Variants in ZNF714 observed in about 807,000 individuals in gnomAD.
ZNF714 encodes zinc finger protein 714.
In ZNF714, 32 loss-of-function variants were observed where a neutral mutation model predicts 46.2. The observed-to-expected ratio is 0.69, with a 90% CI of 0.52 to 0.93. The LOEUF (loss-of-function observed/expected upper bound fraction) is 0.93, where lower values mean the gene tolerates loss of function less well. ZNF714 is among the 40% of genes least tolerant of loss of function. The pLI, the probability that ZNF714 is intolerant of heterozygous loss-of-function variation, is 0.00. For synonymous variants in ZNF714, 199 were observed against 213.1 expected (o/e 0.93, Z 0.58); for missense variants, 635 against 646.3 (o/e 0.98, Z 0.19).
At chr19:21,094,569 C>T (rs1968993672) in intron 2 of ZNF714, among the ~76,000 whole-genome samples, 1 of 152,176 alleles carries the variant, frequency 6.6e-6, no homozygotes, top group Non-Finnish European at 1.5e-5. Flanking sequence ...CTCTGTCACC[C>T]AGGCTGGAGT....
At chr19:21,100,336 A>G in intron 4 of ZNF714, among the ~76,000 whole-genome samples, 1 of 151,858 alleles carries the variant, frequency 6.6e-6, no homozygotes, top group Admixed American at 6.6e-5. Context: ...CAGCCTGACC[A>G]ACATGGAGAA....
At chr19:21,082,519 C>G (rs1442242251) in intron 1 of ZNF714, among the ~76,000 whole-genome samples, 171 bp downstream of exon 1, 1 of 152,052 alleles carries the variant, frequency 6.6e-6, no homozygotes, top group Non-Finnish European at 1.5e-5. Flanking sequence ...ATGGCGGCTG[C>G]GCTGACTGCG....
intron 2 of ZNF714, among the ~76,000 whole-genome samples, chr19:21,093,626 T>C (rs1370904484): frequency 6.6e-6 from 1 of 152,168 alleles, no homozygotes; most frequent in Non-Finnish European, 1.5e-5. Flanking sequence ...AATCTTCTAT[T>C]TTATTTAATT....
At chr19:21,112,841 G>A (rs868631312) in intron 4 of ZNF714, among the ~76,000 whole-genome samples, 2 of 2,284 alleles carry the variant, frequency 8.8e-4, no homozygotes, top group Non-Finnish European at 5.2e-3. Flanking sequence ...TTTTTTTTTT[G>A]AGACGGAGTC....
intron 4 of ZNF714, chr19:21,109,717 C>G: frequency 6.5e-6 from 1 of 153,590 alleles, no homozygotes; most frequent in East Asian, 1.9e-4. Flanking sequence ...GTGATAAGCC[C>G]TGCATGCATT....
intron 4 of ZNF714, among the ~76,000 whole-genome samples, chr19:21,107,591 A>G (rs1158924495): frequency 7.1e-6 from 1 of 139,948 alleles, no homozygotes; most frequent in Non-Finnish European, 1.5e-5. Flanking sequence ...TAAAGAGCTT[A>G]TATTGAATTT....
chr19:21,117,730 C>T lies in ZNF714; in HGVS notation c.1066C>T (p.Leu356Phe), dbSNP rs762809189. 1.5e-5 allele frequency: 24 copies of T among 1,613,408 alleles called. No individual in the cohort carries two copies. Among genetic ancestry groups the T allele is most frequent in the Non-Finnish European group, 1.9e-5 (23 of 1,179,824 alleles). The change falls in exon 5 of 5, where the codon CTT becomes TTT. Residue 356 changes from leucine (L) to phenylalanine (F), a missense_variant. By Grantham distance (22) the Leu-to-Phe change is conservative. Transcript: ENST00000456283. The part of the protein sequence containing the change: ...CGKAFNVSSH[L>F]TTHKMIHTGE... Reference sequence around the variant, plus strand: ...CAAAGCCTTTAATGTGTCTTCACACCTTACTACACATAAGATGATTCATAC... The same window carrying T: ...CAAAGCCTTTAATGTGTCTTCACACTTTACTACACATAAGATGATTCATAC...
intron 2 of ZNF714, among the ~76,000 whole-genome samples, chr19:21,087,160 T>G (rs914519416): frequency 7.0e-6 from 1 of 142,758 alleles, no homozygotes; most frequent in Non-Finnish European, 1.5e-5. Flanking sequence ...CTATAAATCA[T>G]CTTTTGAAGA....
rs1159668797 is a variant in ZNF714, at chr19:21,117,012, A to G, written c.348A>G (p.Ile116Met). Reference sequence around the variant, plus strand: ...GTTTGACAACTACCCAGAGCAAAATATTTCCATGTGATAAATATATAAAAG... The same window carrying G: ...GTTTGACAACTACCCAGAGCAAAATGTTTCCATGTGATAAATATATAAAAG... ...NQCLTTTQSK[I>M]FPCDKYIKVF... The change falls in exon 5 of 5, where the codon ATA becomes ATG. Residue 116 changes from isoleucine (I) to methionine (M), a missense_variant. By Grantham distance (10) the Ile-to-Met change is conservative. Transcript: ENST00000456283. 6.2e-7 allele frequency: 1 copy of G among 1,613,618 alleles called. No individual in the cohort carries two copies. Among genetic ancestry groups the G allele is most frequent in the Non-Finnish European group, 8.5e-7 (1 of 1,179,634 alleles).
At chr19:21,112,816 A>ATGTTTTTTTTTTTTTTTTT (rs1969481816) in intron 4 of ZNF714, among the ~76,000 whole-genome samples, 1 of 43,210 alleles carries the variant, frequency 2.3e-5, no homozygotes, top group Non-Finnish European at 4.2e-5. Context: ...TTTATTTCTG[A>ATGTTTTTTTTTTTTTTTTT]TTTTTTTTTT....
intron 4 of ZNF714, among the ~76,000 whole-genome samples, chr19:21,105,681 G>T (rs905092934): frequency 4.0e-5 from 6 of 151,746 alleles, no homozygotes. Context: ...TTGGCCAGGC[G>T]CAGTGGCTCA....
chr19:21,087,962 C>A (rs1021294588), intron 2 of ZNF714, among the ~76,000 whole-genome samples: 1 of 152,122 alleles, frequency 6.6e-6, no homozygotes, highest in African/African-American at 2.4e-5. Context: ...TTTGATGAAA[C>A]CCTTGGTAAG....
intron 2 of ZNF714, among the ~76,000 whole-genome samples, chr19:21,087,222 CAAAAAAAAAA>C (rs57295093): frequency 1.1e-5 from 1 of 92,166 alleles, no homozygotes; most frequent in Non-Finnish European, 2.0e-5. Flanking sequence ...GCAGTCTCAG[CAAAAAAAAAA>C]AAAAAAAAAA....
chr19:21,099,395 G>T (rs1356434879), intron 4 of ZNF714, among the ~76,000 whole-genome samples: 6 of 152,090 alleles, frequency 3.9e-5, no homozygotes, highest in Admixed American at 3.3e-4. Context: ...GGCCAGGCTG[G>T]TCTTGTACTC....
Position 21,117,673 on chromosome 19 carries a change from G to A in ZNF714, c.1009G>A (p.Gly337Arg). 6.2e-7 allele frequency: 1 copy of A among 1,613,052 alleles called. No individual in the cohort carries two copies. Residue 337 changes from glycine to arginine, a missense_variant, in exon 5 of 5, where the codon GGA becomes AGA. Physicochemically the swap from Gly to Arg is moderately radical, Grantham distance 125. Coordinates refer to ENST00000456283, the MANE Select transcript of ZNF714 (RefSeq NM_182515.4). ...TLTKHKRIHTGEKPYKCEECG... is the reference protein window; with the variant it reads ...TLTKHKRIHTREKPYKCEECG... Reference sequence around the variant, plus strand: ...TACAAAACATAAAAGAATTCATACTGGAGAGAAACCCTACAAATGTGAAGA... The same window carrying A: ...TACAAAACATAAAAGAATTCATACTAGAGAGAAACCCTACAAATGTGAAGA...
At position 21,124,558 on chromosome 19, in the gene ZNF714, T is replaced by C. The variant is rs1167806948; in HGVS notation, c.*6226T>C. Among the ~76,000 whole-genome samples, 2 of 152,228 alleles carry C rather than the reference T, an allele frequency of 1.3e-5. No homozygotes were observed. The highest frequency in any genetic ancestry group is 2.9e-5 in the Non-Finnish European group (2 of 68,038). On this transcript the variant is annotated 3_prime_UTR_variant, in exon 5 of 5. Transcript: ENST00000456283. ...TGTAGAACATATTTTGAAGTATATA[T>C]ACATTGTTATTATTTCTAGGTAATT... is the stretch of plus-strand genomic sequence containing the variant.
intron 4 of ZNF714, among the ~76,000 whole-genome samples, chr19:21,105,383 A>G (rs959474865): frequency 2.0e-5 from 3 of 152,120 alleles, no homozygotes; most frequent in African/African-American, 7.2e-5. Flanking sequence ...AGTTGTTCAT[A>G]TACTCTGAAT....
intron 2 of ZNF714, among the ~76,000 whole-genome samples, chr19:21,085,913 T>C (rs1297395523): frequency 6.6e-6 from 1 of 151,296 alleles, no homozygotes; most frequent in South Asian, 2.1e-4. Context: ...AAAGGAGTAT[T>C]GCAACAGGAA....
intron 4 of ZNF714, among the ~76,000 whole-genome samples, chr19:21,105,006 A>C (rs1356856102): frequency 6.7e-6 from 1 of 149,214 alleles, no homozygotes; most frequent in South Asian, 2.1e-4. Context: ...TTTTGATGAA[A>C]ATTATTTTTT....
Sources: allele counts gnomAD v4.1 joint callset (sites outside exome capture counted in the v4.1 genomes callset), GRCh38; gene constraint gnomAD v4.1.1; transcripts MANE v1.5; gene names NCBI Gene and HGNC (gene_info 2026-07-23, HGNC 2026-07-21).